Variants in TMEM132D observed in about 807,000 individuals in gnomAD.
The protein encoded by TMEM132D is mature OL transmembrane protein.
TMEM132D carries 21 observed loss-of-function variants against 62.3 expected under a neutral mutation model. That is an observed-to-expected ratio of 0.34 (90% CI 0.24 to 0.49). TMEM132D has a LOEUF of 0.49. TMEM132D is among the 20% of genes least tolerant of loss of function. TMEM132D has a pLI of 0.99. For synonymous variants in TMEM132D, 621 were observed against 575.6 expected (o/e 1.08, Z -1.13); for missense variants, 1,346 against 1,402.8 (o/e 0.96, Z 0.65).
Position 129,531,131 on chromosome 12 carries a change from C to G in TMEM132D, c.1043G>C (p.Arg348Pro). 6.2e-7 allele frequency: 1 copy of G among 1,613,902 alleles called. No individual in the cohort carries two copies. The highest frequency in any genetic ancestry group is 1.3e-5 in the African/African-American group (1 of 75,032). The change falls in exon 3 of 9, where the codon CGC becomes CCC. Residue 348 changes from arginine (R) to proline (P), a missense_variant. Arg to Pro is a moderately radical substitution (Grantham distance 103, BLOSUM62 -2). Coordinates refer to ENST00000422113, the MANE Select transcript of TMEM132D (RefSeq NM_133448.3). ...SSPSIWDVKE[R>P]TDYTGKYAPA... ...TGCATACTTTCCAGTATAATCCGTGCGCTCCTTGACATCCCAAATGGAAGG... is the reference window on the plus strand; with the variant it reads ...TGCATACTTTCCAGTATAATCCGTGGGCTCCTTGACATCCCAAATGGAAGG...
At chr12:129,634,045 C>T (rs1220338402) in intron 2 of TMEM132D, among the ~76,000 whole-genome samples, 1 of 152,124 alleles carries the variant, frequency 6.6e-6, no homozygotes, top group East Asian at 1.9e-4. Flanking sequence ...CTCTCAGAAC[C>T]CAGCATATTA....
chr12:129,352,737 C>T (rs964704617), intron 3 of TMEM132D, among the ~76,000 whole-genome samples: 7 of 151,930 alleles, frequency 4.6e-5, no homozygotes, highest in Non-Finnish European at 1.0e-4. Flanking sequence ...GTCAGAATGG[C>T]GATTATTAAA....
chr12:129,413,223 T>C (rs1036770157), intron 3 of TMEM132D, among the ~76,000 whole-genome samples: 3 of 152,162 alleles, frequency 2.0e-5, no homozygotes, highest in Admixed American at 6.5e-5. Flanking sequence ...TGGGAGATAA[T>C]TGAATCATGG....
At chr12:129,286,265 G>A (rs1001512260) in intron 4 of TMEM132D, among the ~76,000 whole-genome samples, 1 of 152,136 alleles carries the variant, frequency 6.6e-6, no homozygotes, top group African/African-American at 2.4e-5. Context: ...CAAAATATAC[G>A]TGGGCATTGG....
intron 5 of TMEM132D, among the ~76,000 whole-genome samples, chr12:129,130,324 G>A (rs139558470): frequency 0.019 from 776 of 41,600 alleles, 25 homozygotes; most frequent in Admixed American, 0.13. Flanking sequence ...GCTCAGGGAG[G>A]CTCTGAAGAG....
At chr12:129,334,859 G>A (rs552553134) in intron 4 of TMEM132D, among the ~76,000 whole-genome samples, 1 of 152,018 alleles carries the variant, frequency 6.6e-6, no homozygotes, top group South Asian at 2.1e-4. Flanking sequence ...CAAAGTGCTG[G>A]GATTACAGGC....
intron 3 of TMEM132D, among the ~76,000 whole-genome samples, chr12:129,455,777 T>A (rs1873445441): frequency 6.6e-6 from 1 of 152,210 alleles, no homozygotes; most frequent in Non-Finnish European, 1.5e-5. Flanking sequence ...CTGGAGATGC[T>A]GCTTGTAAAA....
intron 3 of TMEM132D, among the ~76,000 whole-genome samples, chr12:129,341,131 T>C (rs1869466609): frequency 1.3e-5 from 2 of 152,236 alleles, no homozygotes; most frequent in African/African-American, 2.4e-5. Flanking sequence ...TCTTGCGTAG[T>C]AGGCAATATT....
At chr12:129,543,311 T>C (rs998999632) in intron 2 of TMEM132D, among the ~76,000 whole-genome samples, 2 of 133,042 alleles carry the variant, frequency 1.5e-5, no homozygotes, top group Non-Finnish European at 3.1e-5. Context: ...GGTGGATGGA[T>C]AGATGGATGG....
chr12:129,873,364 C>G (rs901925750), intron 1 of TMEM132D, among the ~76,000 whole-genome samples: 1 of 151,952 alleles, frequency 6.6e-6, no homozygotes, highest in Non-Finnish European at 1.5e-5. Flanking sequence ...CATTATCACA[C>G]CATTTCGCTG....
At position 129,073,887 on chromosome 12, in the gene TMEM132D, A is replaced by C; in HGVS notation, c.3288T>G (p.His1096Gln). 1 of 1,537,632 alleles carries C rather than the reference A, an allele frequency of 6.5e-7. No individual in the cohort carries two copies. The highest frequency in any genetic ancestry group is 8.7e-7 in the Non-Finnish European group (1 of 1,144,578). ...KELHNYMERL[H>Q]ENV ...GTGTGTGTCTGGCTTACACATTTTC[A>C]TGTAACCTCTCCATGTAGTTGTGCA... Residue 1096 changes from histidine to glutamine, a missense_variant, in exon 9 of 9, where the codon CAT becomes CAG. By Grantham distance (24) the His-to-Gln change is conservative. Transcript: ENST00000422113.
chr12:129,626,481 G>A (rs1254287264), intron 2 of TMEM132D, among the ~76,000 whole-genome samples: 1 of 150,954 alleles, frequency 6.6e-6, no homozygotes, highest in Admixed American at 6.6e-5. Context: ...TTTCTGAGAT[G>A]GAGTCTCGCT....
chr12:129,323,252 T>A lies in TMEM132D; in HGVS notation c.1299+14382A>T, dbSNP rs1469270937. Among the ~76,000 whole-genome samples the A allele has an allele frequency of 7.9e-5, 12 of 151,328 alleles. No homozygotes were observed. In the East Asian group the frequency reaches 2.1e-3, roughly 27 times the overall value. On this transcript the variant is annotated intron_variant, in intron 4 of 8. Transcript: ENST00000422113. ...TTACCTTACTCGTGTTTTTACAATT[T>A]AAAAAAAAAGCGTAAATAGCAACTT...
chr12:129,271,404 A>G (rs1335865325), intron 4 of TMEM132D, among the ~76,000 whole-genome samples: 2 of 151,312 alleles, frequency 1.3e-5, no homozygotes, highest in African/African-American at 4.9e-5. Flanking sequence ...ATTTTTTTTT[A>G]AATTTTACTT....
chr12:129,692,585 A>T (rs1881088039), intron 2 of TMEM132D, among the ~76,000 whole-genome samples: 1 of 152,244 alleles, frequency 6.6e-6, no homozygotes, highest in African/African-American at 2.4e-5. Flanking sequence ...TAGCAAAGAC[A>T]TGGAATAGAC....
At chr12:129,384,147 G>A (rs1871038191) in intron 3 of TMEM132D, among the ~76,000 whole-genome samples, 1 of 152,182 alleles carries the variant, frequency 6.6e-6, no homozygotes, top group Non-Finnish European at 1.5e-5. Flanking sequence ...AACAGTGGAG[G>A]ACATTTTAAT....
intron 3 of TMEM132D, among the ~76,000 whole-genome samples, chr12:129,518,724 T>G (rs116186019): frequency 0.011 from 1,622 of 152,210 alleles, 32 homozygotes; most frequent in African/African-American, 0.038. Context: ...AAAACACCAT[T>G]TTGTCAGCTC....
chr12:129,314,868 T>C (rs1868433689), intron 4 of TMEM132D, among the ~76,000 whole-genome samples: 1 of 151,970 alleles, frequency 6.6e-6, no homozygotes. Context: ...AAGTTATTTA[T>C]TTATTTATTT....
Position 129,728,013 on chromosome 12 carries a change from G to T in TMEM132D, c.80-27315C>A, listed in dbSNP as rs1469045063. Among the ~76,000 whole-genome samples, 3 of 152,082 alleles carry T rather than the reference G, an allele frequency of 2.0e-5. No individual in the cohort carries two copies. The East Asian group carries it at 5.8e-4, about 29-fold the overall frequency. The stretch of plus-strand genomic sequence containing the variant: ...GCTGTATCCAGCTTTTCTCTACCAG[G>T]TCCATTATGCTGTCTCTATTTTTGC... On this transcript the variant is annotated intron_variant, in intron 1 of 8. Transcript: ENST00000422113.
Sources: allele counts gnomAD v4.1 joint callset (sites outside exome capture counted in the v4.1 genomes callset), GRCh38; gene constraint gnomAD v4.1.1; transcripts MANE v1.5; gene names NCBI Gene and HGNC (gene_info 2026-07-23, HGNC 2026-07-21).